Variants in SGCE observed in about 807,000 individuals in gnomAD.
SGCE encodes epsilon-sarcoglycan.
A neutral mutation model predicts 57.8 loss-of-function variants in SGCE; 26 were observed. The observed-to-expected ratio is 0.45, with a 90% CI of 0.33 to 0.62. SGCE has a LOEUF of 0.62. Among genes scored for constraint, SGCE ranks in the 20% least tolerant of loss-of-function variants. The probability of loss-of-function intolerance (pLI) is 0.02; values close to 1 mark genes in which losing one functional copy is unlikely to be tolerated. For synonymous variants in SGCE, 183 were observed against 189.5 expected, an observed-to-expected ratio of 0.97 and a Z score of 0.28; for missense variants, 468 against 548.6, an observed-to-expected ratio of 0.85 and a Z score of 1.47.
rs775235692 is a variant in SGCE, at chr7:94,656,127, G to A, written c.-29C>T. ...TGGCCTGGCTAGGCCGTCCGTCCTC[G>A]ATTCTCCCCTCCCCTCCCTTTCTTC... On this transcript the variant is annotated 5_prime_UTR_variant, in exon 1 of 11. Coordinates refer to ENST00000648936, the MANE Select transcript of SGCE (RefSeq NM_003919.3). 11 of 1,296,246 alleles carry A rather than the reference G, an allele frequency of 8.5e-6. No homozygotes were observed. In the Admixed American group the frequency reaches 1.5e-4, roughly 18 times the overall value. 80.3% of individuals were successfully genotyped at this position (1,296,246 alleles called of 1,614,324 possible). A position where few individuals can be genotyped will look rare whatever the true frequency, so the allele number is the denominator to read the frequency against.
At chr7:94,610,901 T>C (rs964925455) in intron 5 of SGCE, among the ~76,000 whole-genome samples, 2 of 152,168 alleles carry the variant, frequency 1.3e-5, no homozygotes, top group Non-Finnish European at 2.9e-5. Context: ...GAAGAGATGC[T>C]CAACATCACC....
intron 1 of SGCE, among the ~76,000 whole-genome samples, chr7:94,646,539 A>G (rs1807101736): frequency 6.6e-6 from 1 of 152,224 alleles, no homozygotes; most frequent in Admixed American, 6.5e-5. Context: ...TATATGCACC[A>G]TTACAATTTA....
At chr7:94,652,573 C>T (rs1289181190) in intron 1 of SGCE, among the ~76,000 whole-genome samples, 1 of 152,104 alleles carries the variant, frequency 6.6e-6, no homozygotes, top group Non-Finnish European at 1.5e-5. Context: ...TTGAGGTTGT[C>T]GCTAACCAGT....
intron 1 of SGCE, among the ~76,000 whole-genome samples, chr7:94,632,760 G>A (rs12670168): frequency 0.78 from 118,408 of 151,618 alleles, 46,951 homozygotes; most frequent in African/African-American, 0.92. Context: ...GCTCTGCAAC[G>A]GAGGCAATTT....
At chr7:94,615,596 T>C (rs1394766303) in intron 5 of SGCE, among the ~76,000 whole-genome samples, 3 of 152,046 alleles carry the variant, frequency 2.0e-5, no homozygotes, top group African/African-American at 7.2e-5. Flanking sequence ...AAGCAGACAA[T>C]CAGTGGGAGT....
intron 6 of SGCE, among the ~76,000 whole-genome samples, chr7:94,601,732 A>G (rs1477577993): frequency 6.6e-6 from 1 of 152,114 alleles, no homozygotes; most frequent in African/African-American, 2.4e-5. Context: ...TTTTCTGCCA[A>G]GGAATTGATG....
intron 1 of SGCE, among the ~76,000 whole-genome samples, chr7:94,641,167 C>A (rs1361141853): frequency 6.6e-6 from 1 of 152,152 alleles, no homozygotes; most frequent in African/African-American, 2.4e-5. Flanking sequence ...GTGTGATCAA[C>A]ATCCTCACTT....
intron 6 of SGCE, among the ~76,000 whole-genome samples, chr7:94,601,536 T>G (rs973141361): frequency 2.0e-5 from 3 of 150,940 alleles, no homozygotes; most frequent in Non-Finnish European, 1.5e-5. Flanking sequence ...TTCACTGAGT[T>G]GCATTTAATT....
chr7:94,628,820 T>C (rs559982648), intron 2 of SGCE: 235 of 168,306 alleles, frequency 1.4e-3, no homozygotes, highest in Non-Finnish European at 2.6e-3. Context: ...GAGGATAGGA[T>C]GAAAAAGACG....
chr7:94,603,180 G>A, intron 6 of SGCE, 110 bp downstream of exon 6: 9 of 833,080 alleles, frequency 1.1e-5, no homozygotes, highest in South Asian at 3.2e-5. Flanking sequence ...GTCAACTGCA[G>A]TTAAAGTAAA....
intron 2 of SGCE, 104 bp from the exon 3 acceptor site, chr7:94,628,463 TGTAGCCAACTAAATACA>T: frequency 1.1e-6 from 1 of 914,498 alleles, no homozygotes. Context: ...TTCTTACATT[TGTAGCCAACTAAATACA>T]CACATACAAA....
At chr7:94,641,798 T>G (rs202203470) in intron 1 of SGCE, among the ~76,000 whole-genome samples, 115 of 152,190 alleles carry the variant, frequency 7.6e-4, no homozygotes, top group East Asian at 3.9e-3. Flanking sequence ...ATTATTATTA[T>G]TATTAGTAGT....
intron 10 of SGCE, chr7:94,587,417 A>C: frequency 8.7e-6 from 10 of 1,144,696 alleles, no homozygotes; most frequent in Non-Finnish European, 1.1e-5. Flanking sequence ...AATAATTAAG[A>C]ATCAGAAGAT....
intron 9 of SGCE, chr7:94,591,012 C>T (rs567621743): frequency 6.6e-6 from 1 of 152,040 alleles, no homozygotes; most frequent in Admixed American, 6.6e-5. Flanking sequence ...AACTCTAACA[C>T]AATTTGAGGA....
chr7:94,612,613 T>A (rs1801218374), intron 5 of SGCE, among the ~76,000 whole-genome samples: 1 of 152,202 alleles, frequency 6.6e-6, no homozygotes, highest in Non-Finnish European at 1.5e-5. Flanking sequence ...ACAAAGACTA[T>A]CTCTGCATAT....
chr7:94,649,280 G>A (rs1288375659), intron 1 of SGCE, among the ~76,000 whole-genome samples: 1 of 152,184 alleles, frequency 6.6e-6, no homozygotes, highest in Non-Finnish European at 1.5e-5. Context: ...CTACCAAAGA[G>A]TGACCGAAGA....
At chr7:94,596,729 T>G (rs1798455591) in intron 9 of SGCE, among the ~76,000 whole-genome samples, 1 of 152,312 alleles carries the variant, frequency 6.6e-6, no homozygotes. Flanking sequence ...CTAAGTATAC[T>G]GAATTCATCA....
At chr7:94,618,668 C>T in intron 5 of SGCE, 90 bp downstream of exon 5, 2 of 1,065,118 alleles carry the variant, frequency 1.9e-6, no homozygotes, top group Non-Finnish European at 2.8e-6. Flanking sequence ...ACGAAAAATG[C>T]AATAGGCCAT....
chr7:94,596,062 GA>G (rs1423850416), intron 9 of SGCE, among the ~76,000 whole-genome samples: 1 of 152,058 alleles, frequency 6.6e-6, no homozygotes, highest in Non-Finnish European at 1.5e-5. Flanking sequence ...TGAATAATGT[GA>G]AGGTTTTCTG....
Sources: allele counts gnomAD v4.1 joint callset (sites outside exome capture counted in the v4.1 genomes callset), GRCh38; gene constraint gnomAD v4.1.1; transcripts MANE v1.5; gene names NCBI Gene and HGNC (gene_info 2026-07-23, HGNC 2026-07-21).